Variants in TBC1D9B observed in about 807,000 individuals in gnomAD.
The protein encoded by TBC1D9B is TBC1 domain family, member 9B (with GRAM domain).
TBC1D9B carries 87 observed loss-of-function variants against 121.1 expected under a neutral mutation model. The ratio of observed to expected loss-of-function variants is 0.72; its 90% CI spans 0.60 to 0.86. TBC1D9B has a LOEUF of 0.86. TBC1D9B is among the 40% of genes least tolerant of loss of function. The pLI is 0.00. For synonymous variants in TBC1D9B, 668 were observed against 670.1 expected (o/e 1.00, Z 0.05); for missense variants, 1,540 against 1,628.6 (o/e 0.95, Z 0.94).
In TBC1D9B at chr5:179,907,018, A is replaced by G. The variant is rs1312300426; in HGVS notation, c.118+686T>C. ...TCCCCTGGATCCCACAGGCCGCACG[A>G]CTCCAAGGGTGCCTGTCCAGCTTCA... is the stretch of plus-strand genomic sequence containing the variant. On this transcript the variant is annotated intron_variant, in intron 1 of 20. Transcript: ENST00000355235. This position sits in a 1 kb window ranked among gnomAD's most constrained non-coding sequence, Gnocchi z 5.3. Among the ~76,000 whole-genome samples, 1 of 151,726 alleles carries G rather than the reference A, an allele frequency of 6.6e-6. No individual in the cohort carries two copies. The highest frequency in any genetic ancestry group is 1.5e-5 in the Non-Finnish European group (1 of 67,914).
rs2113658961 is a variant in TBC1D9B at position 179,907,721 on chromosome 5, C to T, written c.101G>A (p.Arg34Lys). 3 of 1,180,614 alleles carry T rather than the reference C, an allele frequency of 2.5e-6. No individual in the cohort carries two copies. The South Asian group carries it at 4.7e-5, about 18-fold the overall frequency. 73.1% of individuals were successfully genotyped at this position (1,180,614 alleles called of 1,614,324 possible). The part of the protein sequence containing the change: ...FVLQRRRGHG[R>K]GGGLTGLLVG... ...CCTCTCACCCGTAAGGCCGCCGCCC[C>T]TGCCGTGGCCCCGGCGTCGCTGCAG... The change falls in exon 1 of 21, where the codon AGG (arginine) becomes AAG (lysine). Residue 34 changes from arginine to lysine, a missense_variant. Arg to Lys is a conservative substitution (Grantham distance 26, BLOSUM62 2). Coordinates refer to ENST00000355235, the MANE Select transcript of TBC1D9B (RefSeq NM_015043.4). This position sits in a 1 kb window ranked among gnomAD's most constrained non-coding sequence, Gnocchi z 5.3.
intron 17 of TBC1D9B, 44 bp from the exon 18 acceptor site, chr5:179,867,893 G>T: frequency 6.7e-7 from 1 of 1,495,254 alleles, no homozygotes. Context: ...AGGAAACAAG[G>T]AGATCCTCTC....
chr5:179,865,670 G>A lies in TBC1D9B; in HGVS notation c.2914+168C>T. On this transcript the variant is annotated intron_variant, in intron 19 of 20. Coordinates refer to ENST00000355235, the MANE Select transcript of TBC1D9B (RefSeq NM_015043.4). The surrounding 1 kb of genome is among the most constrained non-coding windows in gnomAD (Gnocchi z 5.1). ...TGGCTGGGTGCCCGTGGGGCTGGTG[G>A]AGAGCGTGGAGCCTCCTGTGCATCC... 1 of 760,960 alleles carries A rather than the reference G, an allele frequency of 1.3e-6. No homozygotes were observed. The highest frequency in any genetic ancestry group is 2.1e-6 in the Non-Finnish European group (1 of 470,106). 47.1% of individuals were successfully genotyped at this position (760,960 alleles called of 1,614,324 possible). A position where few individuals can be genotyped will look rare whatever the true frequency, so the allele number is the denominator to read the frequency against.
chr5:179,883,541 TTTC>T (rs533840447), intron 7 of TBC1D9B, among the ~76,000 whole-genome samples: 4 of 152,204 alleles, frequency 2.6e-5, no homozygotes, highest in Non-Finnish European at 4.4e-5. Flanking sequence ...TGGTTTTTTT[TTTC>T]TTATTTCCTC....
At chr5:179,864,180 C>T (rs560103379) in intron 20 of TBC1D9B, 52 bp from the exon 21 acceptor site, 564 of 1,511,914 alleles carry the variant, frequency 3.7e-4, no homozygotes, top group African/African-American at 2.8e-3. Context: ...ACCAGTCAGA[C>T]GGGGTCCATA....
intron 14 of TBC1D9B, 44 bp downstream of exon 14, chr5:179,872,848 G>GCCCCCCCACCCCACCCCCCCC: frequency 6.9e-7 from 1 of 1,457,250 alleles, no homozygotes. Flanking sequence ...AGGCACTGCT[G>GCCCCCCCACCCCACCCCCCCC]CCCCCCCAGC....
At chr5:179,873,017 T>C in intron 13 of TBC1D9B, 27 bp from the exon 14 acceptor site, 1 of 1,613,826 alleles carries the variant, frequency 6.2e-7, no homozygotes, top group Non-Finnish European at 8.5e-7. Context: ...CTTGGTGAGA[T>C]CAAGCCAACT....
chr5:179,869,883 C>T, intron 16 of TBC1D9B, 49 bp from the exon 17 acceptor site: 1 of 1,507,932 alleles, frequency 6.6e-7, no homozygotes, highest in Non-Finnish European at 8.9e-7. Context: ...GGCTGCAGAG[C>T]CCCTTCCAGG....
At chr5:179,900,781 A>G (rs1265587804) in intron 2 of TBC1D9B, among the ~76,000 whole-genome samples, 1 of 152,212 alleles carries the variant, frequency 6.6e-6, no homozygotes, top group Non-Finnish European at 1.5e-5. Context: ...CTCCTTCACA[A>G]GGCACAACTC....
intron 7 of TBC1D9B, among the ~76,000 whole-genome samples, chr5:179,880,780 C>T (rs1486081924): frequency 1.5e-5 from 2 of 134,866 alleles, no homozygotes; most frequent in African/African-American, 5.3e-5. Flanking sequence ...TTCACACCCA[C>T]AGTCTACCCC....
At position 179,902,043 on chromosome 5, in the gene TBC1D9B, C is replaced by T. The variant is rs1417897897; in HGVS notation, c.229+2659G>A. On this transcript the variant is annotated intron_variant, in intron 2 of 20. Transcript: ENST00000355235. This position sits in a 1 kb window ranked among gnomAD's most constrained non-coding sequence, Gnocchi z 4.9. Reference sequence around the variant, plus strand: ...AGAGGTGAAATAAGTTACCCAAGGTCACACAGCTGGGAAGTGATCAAATCA... The same window carrying T: ...AGAGGTGAAATAAGTTACCCAAGGTTACACAGCTGGGAAGTGATCAAATCA... Among the ~76,000 whole-genome samples, 1 of 152,238 alleles carries T rather than the reference C, an allele frequency of 6.6e-6. No homozygotes were observed. Among genetic ancestry groups the T allele is most frequent in the Non-Finnish European group, 1.5e-5 (1 of 68,038 alleles).
intron 4 of TBC1D9B, 147 bp downstream of exon 4, chr5:179,894,239 C>T (rs577970756): frequency 1.3e-4 from 98 of 759,472 alleles, no homozygotes; most frequent in African/African-American, 1.1e-3. Context: ...TGGCCAAGGC[C>T]GGACAGTCCC....
chr5:179,863,394 G>C lies in TBC1D9B; in HGVS notation c.*54C>G. Reference sequence around the variant, plus strand: ...TGATAAGGGAGGAAAGGCAGGAGGAGATGAGGCCAGCCCCACTGATGACAC... The same window carrying C: ...TGATAAGGGAGGAAAGGCAGGAGGACATGAGGCCAGCCCCACTGATGACAC... On this transcript the variant is annotated 3_prime_UTR_variant, in exon 21 of 21. Transcript: ENST00000355235. This position sits in a 1 kb window ranked among gnomAD's most constrained non-coding sequence, Gnocchi z 4.5. The C allele has an allele frequency of 6.4e-7, 1 of 1,562,242 alleles. No individual in the cohort carries two copies. The highest frequency in any genetic ancestry group is 1.2e-5 in the South Asian group (1 of 83,348).
chr5:179,871,736 C>T (rs137883949), intron 14 of TBC1D9B: 14 of 534,002 alleles, frequency 2.6e-5, no homozygotes, highest in South Asian at 1.1e-4. Context: ...GCTCACACTC[C>T]GGGCTCCTTT....
intron 1 of TBC1D9B, among the ~76,000 whole-genome samples, chr5:179,905,851 T>C (rs1761294920): frequency 6.6e-6 from 1 of 152,250 alleles, no homozygotes; most frequent in Admixed American, 6.5e-5. Context: ...TTTTTATTGC[T>C]GTTATTCAAC....
chr5:179,867,948 C>T, intron 17 of TBC1D9B, 99 bp from the exon 18 acceptor site: 1 of 1,226,806 alleles, frequency 8.2e-7, no homozygotes, highest in Non-Finnish European at 1.1e-6. Flanking sequence ...GCTTTCCCTG[C>T]CCACGAGCCT....
chr5:179,864,588 G>A (rs1015417302), intron 20 of TBC1D9B, among the ~76,000 whole-genome samples: 2 of 152,032 alleles, frequency 1.3e-5, no homozygotes, highest in Non-Finnish European at 2.9e-5. Flanking sequence ...GGGGATCCTG[G>A]GGAGGGGGGT....
rs1760341241 is a variant in TBC1D9B, at chr5:179,875,812, C to T, written c.1900+108G>A. The T allele has an allele frequency of 2.4e-6, 2 of 844,846 alleles. No homozygotes were observed. The highest frequency in any genetic ancestry group is 1.8e-6 in the Non-Finnish European group (1 of 561,198). 52.3% of individuals were successfully genotyped at this position (844,846 alleles called of 1,614,324 possible). A position where few individuals can be genotyped will look rare whatever the true frequency, so the allele number is the denominator to read the frequency against. On this transcript the variant is annotated intron_variant, in intron 11 of 20. Coordinates refer to ENST00000355235, the MANE Select transcript of TBC1D9B (RefSeq NM_015043.4). The surrounding 1 kb of genome is among the most constrained non-coding windows in gnomAD (Gnocchi z 4.5). ...AATGTGTAATACTACCCTCTAACTC[C>T]TAGGGAACCCACGTGAAGCCTGGAG...
At position 179,863,494 on chromosome 5, in the gene TBC1D9B, T is replaced by C. The variant is rs140510119; in HGVS notation, c.3656A>G (p.Gln1219Arg). 5.2e-5 allele frequency: 84 copies of C among 1,614,096 alleles called. No individual in the cohort carries two copies. Among genetic ancestry groups the C allele is most frequent in the Admixed American group, 1.0e-4 (6 of 60,004 alleles). Residue 1219 changes from glutamine to arginine, a missense_variant, in exon 21 of 21, where the codon CAG (glutamine) becomes CGG (arginine). Physicochemically the swap from Gln to Arg is conservative, Grantham distance 43. Coordinates refer to ENST00000355235, the MANE Select transcript of TBC1D9B (RefSeq NM_015043.4). This position sits in a 1 kb window ranked among gnomAD's most constrained non-coding sequence, Gnocchi z 4.5. ...KIKDQKKVERQFSTASDHEQP... is the reference protein window; with the variant it reads ...KIKDQKKVERRFSTASDHEQP... ...CTCATGGTCACTGGCGGTGCTGAAC[T>C]GTCTCTCCACTTTCTTTTGGTCCTT...
Sources: gnomAD v4.1 joint callset for allele counts (sites outside exome capture counted in the v4.1 genomes callset) on GRCh38, gnomAD v4.1.1 for gene constraint, Gnocchi (gnomAD v3.1) non-coding constraint, MANE v1.5 for transcripts, NCBI Gene and HGNC (gene_info 2026-07-23, HGNC 2026-07-21) for gene names.